Variants in CUX2 observed in about 807,000 individuals in gnomAD.
The protein encoded by CUX2 is homeobox protein cut-like 2.
A neutral mutation model predicts 144.8 loss-of-function variants in CUX2; 40 were observed. The ratio of observed to expected loss-of-function variants is 0.28; its 90% confidence interval spans 0.21 to 0.36. CUX2 has a LOEUF of 0.36. Among genes scored for constraint, CUX2 ranks in the 10% least tolerant of loss-of-function variants. CUX2 has a pLI of 1.00. For missense variants in CUX2, 1,615 were observed against 1,994.0 expected, an observed-to-expected ratio of 0.81 and a Z score of 3.62; for synonymous variants, 827 against 875.6, an observed-to-expected ratio of 0.94 and a Z score of 0.98.
At chr12:111,281,442 C>T (rs557945078) in intron 4 of CUX2, among the ~76,000 whole-genome samples, 6 of 152,286 alleles carry the variant, frequency 3.9e-5, no homozygotes, top group Admixed American at 6.5e-5. Context: ...CCCCCAGGGT[C>T]GGTGTTGATG....
At position 111,347,552 on chromosome 12, in the gene CUX2, G is replaced by A; in HGVS notation, c.3688G>A (p.Glu1230Lys). Residue 1230 changes from glutamate (E) to lysine (K), a missense_variant, in exon 22 of 22, where the codon GAG becomes AAG. Around this residue, in one of 12 missense-constraint regions of CUX2, gnomAD observed 298 missense variants for 330.4 expected, o/e 0.90. Coordinates refer to ENST00000261726, the MANE Select transcript of CUX2 (RefSeq NM_015267.4). ...CCGGATGCGCCGGGAGATGTTGGTG[G>A]AGGGGACCCAGGATGAGCCAGACCT... ...RSRMRREMLVEGTQDEPDLDP... is the reference protein window; with the variant it reads ...RSRMRREMLVKGTQDEPDLDP... 1.2e-6 allele frequency: 2 copies of A among 1,607,834 alleles called. No homozygotes were observed. Among genetic ancestry groups the A allele is most frequent in the Non-Finnish European group, 1.7e-6 (2 of 1,177,306 alleles).
rs35855857 is a variant in CUX2, at chr12:111,203,231, CAAA to C, written c.64-10948_64-10946del. On this transcript the variant is annotated intron_variant, in intron 1 of 21. Transcript: ENST00000261726. ...TGGGCAACCGAATGAGACTCTGTCT[CAAA>C]AAAAAAAAAAAAAAAAAAAATCAGT... 3.9e-3 allele frequency among the ~76,000 whole-genome samples: 298 copies of C among 76,550 alleles called. 2 individuals are homozygous for C. The highest frequency in any genetic ancestry group is 0.013 in the East Asian group (36 of 2,774). 50.2% of individuals were successfully genotyped at this position (76,550 alleles called of 152,430 possible). A position where few individuals can be genotyped will look rare whatever the true frequency, so the allele number is the denominator to read the frequency against.
chr12:111,102,241 G>C (rs967120721), intron 1 of CUX2, among the ~76,000 whole-genome samples: 2 of 152,226 alleles, frequency 1.3e-5, no homozygotes, highest in Non-Finnish European at 2.9e-5. Flanking sequence ...CAACGGTCTG[G>C]TGAGGTGGGC....
At chr12:111,075,043 G>A (rs1354347251) in intron 1 of CUX2, among the ~76,000 whole-genome samples, 1 of 152,134 alleles carries the variant, frequency 6.6e-6, no homozygotes, top group East Asian at 1.9e-4. Context: ...AGGCCTGGCC[G>A]AGTCACACCT....
At chr12:111,040,751 A>G (rs1869702852) in intron 1 of CUX2, among the ~76,000 whole-genome samples, 1 of 152,174 alleles carries the variant, frequency 6.6e-6, no homozygotes, top group African/African-American at 2.4e-5. Context: ...TTTTCTATAG[A>G]GTTGGATAAT....
rs1162223299 is a variant in CUX2 at position 111,178,531 on chromosome 12, T to C, written c.64-35669T>C. Among the ~76,000 whole-genome samples the C allele has an allele frequency of 6.6e-6, 1 of 151,996 alleles. No homozygotes were observed. The highest frequency in any genetic ancestry group is 2.4e-5 in the African/African-American group (1 of 41,354). ...TAAAACACAGAACGTGACTGAGAAC[T>C]AGAACTGGATTTGCAAGGGACCAGC... On this transcript the variant is annotated intron_variant, in intron 1 of 21. Coordinates refer to ENST00000261726, the MANE Select transcript of CUX2 (RefSeq NM_015267.4). The surrounding 1 kb of genome is among the most constrained non-coding windows in gnomAD (Gnocchi z 5.7).
At chr12:111,311,954 C>T (rs1886928469) in intron 15 of CUX2, 146 bp from the exon 16 acceptor site, 2 of 574,982 alleles carry the variant, frequency 3.5e-6, no homozygotes, top group Admixed American at 6.0e-5. Context: ...CAGTTTGTTA[C>T]ATAGACTAAG....
intron 1 of CUX2, among the ~76,000 whole-genome samples, chr12:111,147,607 A>C (rs1212247529): frequency 6.6e-6 from 1 of 152,138 alleles, no homozygotes; most frequent in Non-Finnish European, 1.5e-5. Context: ...AGATTGCTCG[A>C]TTGCATGGAG....
At chr12:111,131,750 C>T (rs1875494760) in intron 1 of CUX2, among the ~76,000 whole-genome samples, 1 of 152,210 alleles carries the variant, frequency 6.6e-6, no homozygotes, top group African/African-American at 2.4e-5. Flanking sequence ...TCCTTTGATT[C>T]CAGATCTCAC....
intron 1 of CUX2, among the ~76,000 whole-genome samples, chr12:111,182,904 G>A (rs574165761): frequency 6.9e-4 from 105 of 152,242 alleles, no homozygotes; most frequent in African/African-American, 2.3e-3. Context: ...GGCCAGTCTC[G>A]TTCAATAATC....
Position 111,347,564 on chromosome 12 carries a change from G to T in CUX2, c.3700G>T (p.Asp1234Tyr). 1.2e-6 allele frequency: 2 copies of T among 1,611,120 alleles called. No homozygotes were observed. Among genetic ancestry groups the T allele is most frequent in the East Asian group, 4.5e-5 (2 of 44,852 alleles). ...RREMLVEGTQ[D>Y]EPDLDPSGGP... The stretch of plus-strand genomic sequence containing the variant: ...GGAGATGTTGGTGGAGGGGACCCAG[G>T]ATGAGCCAGACCTTGATCCAAGCGG... The change falls in exon 22 of 22, where the codon GAT (aspartate) becomes TAT (tyrosine). Residue 1234 changes from aspartate to tyrosine, a missense_variant. Transcript: ENST00000261726.
chr12:111,099,657 A>G (rs1873081784), intron 1 of CUX2: 3 of 456,378 alleles, frequency 6.6e-6, no homozygotes, highest in Admixed American at 2.4e-5. Context: ...GTCTCAGGGG[A>G]AGGTGGGGGA....
At position 111,036,527 on chromosome 12, in the gene CUX2, G is replaced by A. The variant is rs1453452468; in HGVS notation, c.63+2287G>A. ...GTTTTAGAAGATGCATAGATGGAAAGCAAATTTGAACTGGAAAGGATAAAG... is the reference window on the plus strand; with the variant it reads ...GTTTTAGAAGATGCATAGATGGAAAACAAATTTGAACTGGAAAGGATAAAG... On this transcript the variant is annotated intron_variant, in intron 1 of 21. Transcript: ENST00000261726. Among the ~76,000 whole-genome samples, 4 of 152,102 alleles carry A rather than the reference G, an allele frequency of 2.6e-5. No individual in the cohort carries two copies. In the East Asian group the frequency reaches 7.7e-4, roughly 29 times the overall value.
rs1343602120 is a variant in CUX2, at chr12:111,344,456, A to G, written c.3659+2403A>G. Among the ~76,000 whole-genome samples the G allele has an allele frequency of 2.0e-5, 3 of 152,224 alleles. 1 individual carries two copies. The highest frequency in any genetic ancestry group is 2.0e-4 in the Admixed American group (3 of 15,286). On this transcript the variant is annotated intron_variant, in intron 21 of 21. Coordinates refer to ENST00000261726, the MANE Select transcript of CUX2 (RefSeq NM_015267.4). ...TGAATAGGAGTTTGCACAAAGGAGA[A>G]GAGAGAATTCCACTCTCAAAAGAAC...
At chr12:111,315,063 T>A (rs1428065590) in intron 16 of CUX2, among the ~76,000 whole-genome samples, 1 of 152,064 alleles carries the variant, frequency 6.6e-6, no homozygotes, top group African/African-American at 2.4e-5. Context: ...TTGCTCTCCA[T>A]GGGCCAGCCA....
intron 4 of CUX2, among the ~76,000 whole-genome samples, chr12:111,286,068 A>G (rs1885363015): frequency 6.6e-6 from 1 of 152,208 alleles, no homozygotes; most frequent in Non-Finnish European, 1.5e-5. Flanking sequence ...AGTTAGCTCA[A>G]AGCAGGATTA....
chr12:111,157,732 A>T (rs147199021), intron 1 of CUX2, among the ~76,000 whole-genome samples: 23 of 152,382 alleles, frequency 1.5e-4, no homozygotes, highest in African/African-American at 4.6e-4. Context: ...CACATGCTAC[A>T]TATTTGTTAT....
In CUX2 at chr12:111,347,965, T is replaced by A; in HGVS notation, c.4101T>A (p.Ser1367Arg). 2 of 1,613,708 alleles carry A rather than the reference T, an allele frequency of 1.2e-6. No individual in the cohort carries two copies. Among genetic ancestry groups the A allele is most frequent in the South Asian group, 2.2e-5 (2 of 91,058 alleles). Residue 1367 changes from serine (S) to arginine (R), a missense_variant, in exon 22 of 22, where the codon AGT (serine) becomes AGA (arginine). Around this residue, in one of 12 missense-constraint regions of CUX2, gnomAD observed 298 missense variants for 330.4 expected, o/e 0.90. Coordinates refer to ENST00000261726, the MANE Select transcript of CUX2 (RefSeq NM_015267.4). Reference sequence around the variant, plus strand: ...CCTCACTTCATCCCCAACAGGAGAGTGAGGCCGGGGAGCGACTTCACCCGG... The same window carrying A: ...CCTCACTTCATCCCCAACAGGAGAGAGAGGCCGGGGAGCGACTTCACCCGG... ...DCPSLHPQQESEAGERLHPDP... is the reference protein window; with the variant it reads ...DCPSLHPQQEREAGERLHPDP...
chr12:111,293,370 C>A lies in CUX2; in HGVS notation c.437-76C>A. 6.6e-7 allele frequency: 1 copy of A among 1,512,392 alleles called. No homozygotes were observed. The highest frequency in any genetic ancestry group is 1.3e-5 in the South Asian group (1 of 77,006). 93.7% of individuals were successfully genotyped at this position (1,512,392 alleles called of 1,614,324 possible). Reference sequence around the variant, plus strand: ...AATTGATCACAATCAATGATCGATCCGGTTTACAGAAAGCGGCTCTGGCTG... The same window carrying A: ...AATTGATCACAATCAATGATCGATCAGGTTTACAGAAAGCGGCTCTGGCTG... On this transcript the variant is annotated intron_variant, in intron 5 of 21. Coordinates refer to ENST00000261726, the MANE Select transcript of CUX2 (RefSeq NM_015267.4). The surrounding 1 kb of genome is among the most constrained non-coding windows in gnomAD (Gnocchi z 4.5).
Sources: gnomAD v4.1 joint callset for allele counts (sites outside exome capture counted in the v4.1 genomes callset) on GRCh38, gnomAD v4.1.1 for gene constraint, gnomAD v4.1.1 regional missense constraint, Gnocchi (gnomAD v3.1) non-coding constraint, MANE v1.5 for transcripts, NCBI Gene and HGNC (gene_info 2026-07-23, HGNC 2026-07-21) for gene names.